ANK3: variants seen among roughly 807,000 people sequenced by gnomAD.
The protein encoded by ANK3 is ankyrin-3.
A neutral mutation model predicts 370.9 loss-of-function variants in ANK3; 57 were observed. The observed-to-expected ratio is 0.15, with a 90% CI of 0.12 to 0.19. The LOEUF (loss-of-function observed/expected upper bound fraction) is 0.19, where lower values mean the gene tolerates loss of function less well. Among genes scored for constraint, ANK3 ranks in the 10% least tolerant of loss-of-function variants. ANK3 has a pLI of 1.00. For synonymous variants in ANK3, 1,929 were observed against 1,946.3 expected (o/e 0.99, Z 0.23); for missense variants, 4,439 against 5,302.1 (o/e 0.84, Z 5.06).
chr10:60,418,980 TA>T (rs1237230883), intron 2 of ANK3, among the ~76,000 whole-genome samples: 1 of 152,172 alleles, frequency 6.6e-6, no homozygotes, highest in African/African-American at 2.4e-5. Context: ...CAATACATAT[TA>T]AAAAACAATT....
At chr10:60,258,789 C>T (rs2097768676) in intron 7 of ANK3, among the ~76,000 whole-genome samples, 1 of 151,674 alleles carries the variant, frequency 6.6e-6, no homozygotes, top group South Asian at 2.1e-4. Flanking sequence ...TCTTTCTTCA[C>T]TGATTTAAAT....
chr10:60,644,596 T>C (rs1264999520), intron 1 of ANK3, among the ~76,000 whole-genome samples: 1 of 152,124 alleles, frequency 6.6e-6, no homozygotes, highest in Non-Finnish European at 1.5e-5. Flanking sequence ...AACAGGATTC[T>C]TAAAATTGCA....
intron 1 of ANK3, among the ~76,000 whole-genome samples, chr10:60,639,927 T>TA (rs1269739563): frequency 6.6e-6 from 1 of 151,734 alleles, no homozygotes; most frequent in African/African-American, 2.4e-5. Context: ...TCAAGCTGGA[T>TA]AAAAAAATAA....
chr10:60,084,420 T>C, intron 32 of ANK3, 182 bp downstream of exon 32: 1 of 307,452 alleles, frequency 3.3e-6, no homozygotes, highest in Non-Finnish European at 5.7e-6. Flanking sequence ...AAAAAAAAAT[T>C]AAATTAAATT....
chr10:60,329,564 T>G (rs760167463), intron 1 of ANK3, among the ~76,000 whole-genome samples: 64 of 152,036 alleles, frequency 4.2e-4, no homozygotes, highest in Non-Finnish European at 7.8e-4. Flanking sequence ...TACCTAGGAA[T>G]ACAACTTACA....
intron 1 of ANK3, among the ~76,000 whole-genome samples, chr10:60,335,838 CA>C (rs2052693108): frequency 6.6e-6 from 1 of 151,936 alleles, no homozygotes; most frequent in African/African-American, 2.4e-5. Flanking sequence ...CCCAATTTAC[CA>C]ATGAGGCAAA....
At chr10:60,393,369 T>C (rs955681053), upstream of ANK3, among the ~76,000 whole-genome samples, 2 of 152,158 alleles carry the variant, frequency 1.3e-5, no homozygotes, top group East Asian at 1.9e-4. Context: ...CTGCTAAAAA[T>C]TGTCCGAAAT....
chr10:60,140,374 T>A, intron 23 of ANK3: 1 of 1,613,840 alleles, frequency 6.2e-7, no homozygotes, highest in South Asian at 1.1e-5. Context: ...CCATTTCCAC[T>A]AGGCTTGGAT....
At chr10:60,124,659 G>A (rs1051859678) in intron 25 of ANK3, among the ~76,000 whole-genome samples, 8 of 152,128 alleles carry the variant, frequency 5.3e-5, no homozygotes, top group East Asian at 1.9e-4. Context: ...TCTACGCATC[G>A]ATTCTTCCCA....
intron 2 of ANK3, among the ~76,000 whole-genome samples, chr10:60,431,077 A>G (rs564619709): frequency 1.3e-5 from 2 of 152,290 alleles, no homozygotes; most frequent in African/African-American, 4.8e-5. Flanking sequence ...CATTATATTT[A>G]TTGCGTACTT....
chr10:60,050,837 T>C (rs1234508862), intron 42 of ANK3: 1 of 152,134 alleles, frequency 6.6e-6, no homozygotes, highest in East Asian at 1.9e-4. Context: ...TTTTTTAAAT[T>C]GACTCCTATA....
intron 1 of ANK3, among the ~76,000 whole-genome samples, chr10:60,722,829 C>A (rs1039407992): frequency 6.6e-6 from 1 of 152,172 alleles, no homozygotes; most frequent in African/African-American, 2.4e-5. Context: ...CCCTCTCTTG[C>A]CATATGATAT....
At chr10:60,697,662 C>T (rs2079481183) in intron 1 of ANK3, among the ~76,000 whole-genome samples, 1 of 149,108 alleles carries the variant, frequency 6.7e-6, no homozygotes, top group Non-Finnish European at 1.5e-5. Context: ...GAAAGGATTC[C>T]CTATTTAATA....
intron 42 of ANK3, among the ~76,000 whole-genome samples, chr10:60,045,805 T>C (rs965858679): frequency 1.3e-5 from 2 of 152,188 alleles, no homozygotes; most frequent in African/African-American, 4.8e-5. Context: ...CATTCTATGA[T>C]TGCCATATGT....
chr10:60,185,853 C>A (rs10159800), intron 17 of ANK3, among the ~76,000 whole-genome samples: 1 of 151,996 alleles, frequency 6.6e-6, no homozygotes, highest in Non-Finnish European at 1.5e-5. Flanking sequence ...GGTTAATTGT[C>A]GGCTGAACTT....
intron 2 of ANK3, among the ~76,000 whole-genome samples, chr10:60,415,923 A>ACCC (rs60397919): frequency 3.7e-4 from 23 of 62,708 alleles, no homozygotes; most frequent in South Asian, 6.7e-4. Flanking sequence ...TGTGCCCCCC[A>ACCC]CCCCCCCGCC....
At chr10:60,476,540 A>T (rs867475839) in intron 2 of ANK3, among the ~76,000 whole-genome samples, 3 of 152,136 alleles carry the variant, frequency 2.0e-5, no homozygotes, top group African/African-American at 7.2e-5. Context: ...GCTATTTTAA[A>T]CTACATTATG....
At chr10:60,532,444 C>T (rs2076627284) in intron 2 of ANK3, among the ~76,000 whole-genome samples, 1 of 152,100 alleles carries the variant, frequency 6.6e-6, no homozygotes, top group African/African-American at 2.4e-5. Context: ...ATGAGAGCAA[C>T]ACTTCTCAAA....
At chr10:60,042,807 G>T (rs760163589) in intron 42 of ANK3, 48 bp from the exon 43 acceptor site, 2 of 1,476,714 alleles carry the variant, frequency 1.4e-6, no homozygotes, top group Middle Eastern at 1.7e-4. Context: ...AACAGTGTTA[G>T]TTATAAAGCA....
Sources: allele counts gnomAD v4.1 joint callset (sites outside exome capture counted in the v4.1 genomes callset), GRCh38; gene constraint gnomAD v4.1.1; transcripts MANE v1.5; gene names NCBI Gene and HGNC (gene_info 2026-07-23, HGNC 2026-07-21).